CFAP299: variants seen among roughly 807,000 people sequenced by gnomAD.
CFAP299 encodes the protein cilia and flagella associated protein 299, also known as cilia- and flagella-associated protein 299.
Under a neutral mutation model 27.0 loss-of-function variants are expected in CFAP299, and 21 were observed. The ratio of observed to expected loss-of-function variants is 0.78; its 90% CI spans 0.55 to 1.12. The LOEUF is 1.12. Among genes scored for constraint, CFAP299 ranks in the 50% most tolerant of loss-of-function variants. CFAP299 has a pLI of 0.00. For synonymous variants in CFAP299, 104 were observed against 98.1 expected, an observed-to-expected ratio of 1.06 and a Z score of -0.36; for missense variants, 310 against 276.6, an observed-to-expected ratio of 1.12 and a Z score of -0.86.
the CFAP299 span, among the ~76,000 whole-genome samples, chr4:80,325,210 C>T: frequency 2.9e-4 from 44 of 152,324 alleles, no homozygotes; most frequent in South Asian, 8.7e-3. Flanking sequence ...TATGGTCACA[C>T]AGTACATATT....
chr4:80,597,542 T>C (rs561422196), intron 3 of CFAP299, among the ~76,000 whole-genome samples: 11 of 152,332 alleles, frequency 7.2e-5, no homozygotes, highest in Admixed American at 6.5e-4. Flanking sequence ...GTGGTCCAAT[T>C]TATTAATCTT....
At chr4:80,563,432 A>G (rs953835594) in intron 2 of CFAP299, among the ~76,000 whole-genome samples, 3 of 152,122 alleles carry the variant, frequency 2.0e-5, no homozygotes, top group Admixed American at 6.6e-5. Flanking sequence ...ATTAAATGAT[A>G]TGCTCCTGAG....
At chr4:80,384,217 A>T (rs1284339542) in intron 2 of CFAP299, among the ~76,000 whole-genome samples, 1 of 152,184 alleles carries the variant, frequency 6.6e-6, no homozygotes, top group Non-Finnish European at 1.5e-5. Context: ...CTGATTACTC[A>T]TATTTTCTAC....
chr4:80,598,968 G>A (rs978567071), intron 3 of CFAP299, among the ~76,000 whole-genome samples: 1 of 152,178 alleles, frequency 6.6e-6, no homozygotes, highest in Admixed American at 6.5e-5. Context: ...TCTGTGAAAA[G>A]GAATACCCAA....
At chr4:80,605,573 A>G (rs1737615688) in intron 3 of CFAP299, among the ~76,000 whole-genome samples, 2 of 152,156 alleles carry the variant, frequency 1.3e-5, no homozygotes, top group African/African-American at 4.8e-5. Context: ...TTCAAGAATG[A>G]GATTTTGCTT....
chr4:80,903,015 A>G lies in CFAP299; in HGVS notation c.476+32880A>G, dbSNP rs542441524. 2.0e-3 allele frequency among the ~76,000 whole-genome samples: 306 copies of G among 152,242 alleles called. 1 individual carries two copies. Among genetic ancestry groups the G allele is most frequent in the Non-Finnish European group, 2.8e-3 (191 of 67,986 alleles). On this transcript the variant is annotated intron_variant, in intron 4 of 5. Coordinates refer to ENST00000358105, the MANE Select transcript of CFAP299 (RefSeq NM_152770.3). ...TGTTACTATATAACCAAGAAATTAT[A>G]ATTTGCTAGATTCTTAGAAATCTTC...
chr4:80,496,098 G>C (rs1020854222), intron 2 of CFAP299, among the ~76,000 whole-genome samples: 4 of 152,112 alleles, frequency 2.6e-5, no homozygotes, highest in Admixed American at 2.6e-4. Flanking sequence ...TTTTAGTTAT[G>C]CAAATTTCTC....
At chr4:80,908,834 C>T (rs1381505449) in intron 4 of CFAP299, among the ~76,000 whole-genome samples, 2 of 152,034 alleles carry the variant, frequency 1.3e-5, no homozygotes, top group Admixed American at 1.3e-4. Context: ...TTGATGTATA[C>T]CTAAAACACA....
intron 3 of CFAP299, among the ~76,000 whole-genome samples, chr4:80,730,246 C>G (rs57251547): frequency 3.6e-4 from 48 of 134,856 alleles, no homozygotes; most frequent in African/African-American, 1.1e-3. Flanking sequence ...CTCTCTCTCT[C>G]TCTGTGTGTG....
chr4:80,723,944 A>T (rs77766682), intron 3 of CFAP299, among the ~76,000 whole-genome samples: 2,613 of 152,208 alleles, frequency 0.017, 56 homozygotes, highest in Admixed American at 0.058. Context: ...AAATGGAGAC[A>T]GGAAGAAAAA....
At chr4:80,860,883 G>C (rs1346574929) in intron 3 of CFAP299, among the ~76,000 whole-genome samples, 1 of 152,240 alleles carries the variant, frequency 6.6e-6, no homozygotes, top group African/African-American at 2.4e-5. Context: ...TGAGGAGGCA[G>C]TCTGCCCATT....
intron 3 of CFAP299, among the ~76,000 whole-genome samples, chr4:80,644,015 G>A (rs1283958716): frequency 3.9e-5 from 6 of 152,114 alleles, no homozygotes; most frequent in Admixed American, 3.9e-4. Context: ...TCTATCAATA[G>A]CAAAGTAGTT....
intron 3 of CFAP299, among the ~76,000 whole-genome samples, chr4:80,747,182 G>T (rs1307046283): frequency 1.3e-5 from 2 of 152,016 alleles, no homozygotes; most frequent in African/African-American, 4.8e-5. Flanking sequence ...ATGTCATTAT[G>T]TGACACATGA....
chr4:80,765,830 A>T (rs1725831367), intron 3 of CFAP299, among the ~76,000 whole-genome samples: 1 of 152,170 alleles, frequency 6.6e-6, no homozygotes, highest in African/African-American at 2.4e-5. Flanking sequence ...AACTAAAAAG[A>T]TAAATTACGA....
intron 2 of CFAP299, among the ~76,000 whole-genome samples, chr4:80,418,791 C>T (rs556862795): frequency 5.3e-5 from 8 of 152,246 alleles, no homozygotes; most frequent in Admixed American, 1.3e-4. Flanking sequence ...TAATGCTCTC[C>T]GTTTACATCA....
At chr4:80,364,764 C>T (rs1723735365) in intron 2 of CFAP299, among the ~76,000 whole-genome samples, 1 of 152,166 alleles carries the variant, frequency 6.6e-6, no homozygotes, top group Non-Finnish European at 1.5e-5. Context: ...CCAAGCCCCA[C>T]TTTGACAGGC....
chr4:80,493,300 G>A (rs923254802), intron 2 of CFAP299, among the ~76,000 whole-genome samples: 3 of 152,164 alleles, frequency 2.0e-5, no homozygotes, highest in Non-Finnish European at 4.4e-5. Flanking sequence ...CCGATGGTGG[G>A]TGCACATTTG....
At chr4:80,599,101 G>A (rs1578653935) in intron 3 of CFAP299, among the ~76,000 whole-genome samples, 1 of 152,186 alleles carries the variant, frequency 6.6e-6, no homozygotes, top group East Asian at 1.9e-4. Context: ...AAGTCTTTAA[G>A]TATGCATTTA....
chr4:80,755,946 T>C (rs1447974217), intron 3 of CFAP299, among the ~76,000 whole-genome samples: 3 of 152,108 alleles, frequency 2.0e-5, no homozygotes, highest in Non-Finnish European at 4.4e-5. Flanking sequence ...GCTTTTTCCA[T>C]AGTCAAGAAA....
Sources: allele counts gnomAD v4.1 joint callset (sites outside exome capture counted in the v4.1 genomes callset), GRCh38; gene constraint gnomAD v4.1.1; transcripts MANE v1.5; gene names NCBI Gene and HGNC (gene_info 2026-07-23, HGNC 2026-07-21).